TRHDE: variants seen among roughly 807,000 people sequenced by gnomAD.
The protein encoded by TRHDE is thyrotropin releasing hormone degrading enzyme, also known as thyrotropin-releasing hormone-degrading ectoenzyme.
Under a neutral mutation model 125.7 loss-of-function variants are expected in TRHDE, and 72 were observed. That is an observed-to-expected ratio of 0.57 (90% confidence interval 0.47 to 0.70). The LOEUF is 0.70. TRHDE is among the 30% of genes least tolerant of loss of function. The pLI, the probability that TRHDE is intolerant of heterozygous loss-of-function variation, is 0.00. For missense variants in TRHDE, 1,110 were observed against 1,327.1 expected, an observed-to-expected ratio of 0.84 and a Z score of 2.54; for synonymous variants, 509 against 509.1, an observed-to-expected ratio of 1.00 and a Z score of 0.00.
Position 72,635,530 on chromosome 12 carries a change from G to T in TRHDE, c.2675+13779G>T, listed in dbSNP as rs1440831622. Among the ~76,000 whole-genome samples the T allele has an allele frequency of 4.6e-5, 7 of 152,226 alleles. No homozygotes were observed. In the East Asian group the frequency reaches 7.7e-4, roughly 17 times the overall value. ...AATGAGATCCCATTTGTCAATTGTG[G>T]CTTTTGTTGCCATTGCTTTTGGTGT... On this transcript the variant is annotated intron_variant, in intron 15 of 18. Transcript: ENST00000261180.
chr12:72,348,371 G>A (rs1223186705), intron 2 of TRHDE, among the ~76,000 whole-genome samples: 1 of 151,746 alleles, frequency 6.6e-6, no homozygotes, highest in East Asian at 1.9e-4. Context: ...CATCACCCTG[G>A]ACCACTGGTG....
At chr12:72,370,345 T>C (rs967527309) in intron 2 of TRHDE, among the ~76,000 whole-genome samples, 4 of 152,160 alleles carry the variant, frequency 2.6e-5, no homozygotes, top group East Asian at 1.9e-4. Flanking sequence ...GTCTAACTCA[T>C]GTCCTTTTAT....
chr12:72,401,500 A>G (rs757274133), intron 3 of TRHDE, among the ~76,000 whole-genome samples: 10 of 152,234 alleles, frequency 6.6e-5, no homozygotes, highest in Non-Finnish European at 1.2e-4. Flanking sequence ...ACATCAACAG[A>G]GAAGTCTGTG....
intron 12 of TRHDE, among the ~76,000 whole-genome samples, chr12:72,597,754 T>C (rs1184518726): frequency 0.031 from 284 of 9,288 alleles, 16 homozygotes; most frequent in Non-Finnish European, 0.038. Context: ...TATATATATA[T>C]ATATGCATAC....
intron 2 of TRHDE, among the ~76,000 whole-genome samples, chr12:72,377,661 G>A (rs1871951386): frequency 6.6e-6 from 1 of 152,036 alleles, no homozygotes; most frequent in South Asian, 2.1e-4. Context: ...CATAGTCAGG[G>A]TCCCATTATA....
chr12:72,622,361 T>A (rs1328455368), intron 15 of TRHDE, among the ~76,000 whole-genome samples: 1 of 152,100 alleles, frequency 6.6e-6, no homozygotes, highest in Non-Finnish European at 1.5e-5. Context: ...AAAGGAATAC[T>A]AAACATAAAA....
Position 72,152,124 on chromosome 12 carries a change from T to C in TRHDE, n.279+46372T>C, listed in dbSNP as rs1040599212. ...AAAGGTCCTTCACATCCCTTGTAAG[T>C]TGGATTCCTAGGTATTTTATTCTCT... On this transcript the variant is annotated intron_variant and non_coding_transcript_variant, in intron 2 of 4. Coordinates refer to the TRHDE transcript ENST00000548156. 2.0e-5 allele frequency among the ~76,000 whole-genome samples: 3 copies of C among 151,594 alleles called. No homozygotes were observed. In the East Asian group the frequency reaches 5.8e-4, roughly 29 times the overall value.
At chr12:72,180,862 C>T (rs185430550) in intron 2 of TRHDE, among the ~76,000 whole-genome samples, 1 of 152,260 alleles carries the variant, frequency 6.6e-6, no homozygotes, top group East Asian at 1.9e-4. Flanking sequence ...CTTCAATGAC[C>T]CTGACTGTAG....
At chr12:72,419,282 T>C (rs1873854274) in intron 3 of TRHDE, among the ~76,000 whole-genome samples, 1 of 152,114 alleles carries the variant, frequency 6.6e-6, no homozygotes, top group Non-Finnish European at 1.5e-5. Context: ...ATGTAAAAAG[T>C]TGTATACAAA....
intron 2 of TRHDE, among the ~76,000 whole-genome samples, chr12:72,296,317 T>C (rs1386406100): frequency 6.6e-6 from 1 of 152,216 alleles, no homozygotes; most frequent in African/African-American, 2.4e-5. Context: ...ACCAGTATCA[T>C]CACTTTTAAG....
At chr12:72,126,913 G>T (rs1592450562) in intron 2 of TRHDE, among the ~76,000 whole-genome samples, 1 of 152,020 alleles carries the variant, frequency 6.6e-6, no homozygotes, top group Non-Finnish European at 1.5e-5. Flanking sequence ...TAAACAGGCA[G>T]CCTACAGAAT....
chr12:72,227,066 C>T (rs941635281), intron 2 of TRHDE, among the ~76,000 whole-genome samples: 1 of 152,038 alleles, frequency 6.6e-6, no homozygotes, highest in African/African-American at 2.4e-5. Context: ...ATTTCAAAAA[C>T]AATGGAAACA....
intron 2 of TRHDE, among the ~76,000 whole-genome samples, chr12:72,327,339 A>T (rs141516976): frequency 1.3e-5 from 2 of 152,262 alleles, no homozygotes; most frequent in African/African-American, 4.8e-5. Context: ...CAGTGATAGG[A>T]GTATGGTCTA....
At chr12:72,517,559 C>T (rs1466060312) in intron 6 of TRHDE, among the ~76,000 whole-genome samples, 7 of 151,884 alleles carry the variant, frequency 4.6e-5, no homozygotes, top group South Asian at 2.1e-4. Context: ...GTCTTGCTAG[C>T]GGTCTATCAG....
intron 8 of TRHDE, 92 bp downstream of exon 8, chr12:72,562,322 G>T: frequency 1.7e-6 from 1 of 583,950 alleles, no homozygotes; most frequent in Non-Finnish European, 3.0e-6. Context: ...ACACCTGATA[G>T]TTTGTTTTTA....
At chr12:72,498,944 A>G (rs1459908373) in intron 5 of TRHDE, among the ~76,000 whole-genome samples, 1 of 149,844 alleles carries the variant, frequency 6.7e-6, no homozygotes, top group Non-Finnish European at 1.5e-5. Flanking sequence ...TGGTCTCTTG[A>G]AATTTTTTCA....
intron 2 of TRHDE, among the ~76,000 whole-genome samples, chr12:72,376,706 A>C (rs1470882809): frequency 6.6e-6 from 1 of 152,162 alleles, no homozygotes; most frequent in African/African-American, 2.4e-5. Flanking sequence ...CTCTTTAGGC[A>C]GAGATAATAA....
chr12:72,131,779 T>G (rs1246090443), intron 2 of TRHDE, among the ~76,000 whole-genome samples: 1 of 152,190 alleles, frequency 6.6e-6, no homozygotes, highest in Admixed American at 6.5e-5. Flanking sequence ...AAAAATCAAG[T>G]GAACAGGTGA....
rs60296809 is a variant in TRHDE, at chr12:72,361,553, A to AT, written c.1189-16432dup. ...TATATGAGTAGGTGTTTTATAATTT[A>AT]TTTTTTTTTTATTTTATTATTATTA... On this transcript the variant is annotated intron_variant, in intron 2 of 18. Transcript: ENST00000261180. Among the ~76,000 whole-genome samples the AT allele has an allele frequency of 4.0e-4, 60 of 148,956 alleles. 1 individual carries two copies. Among genetic ancestry groups the AT allele is most frequent in the African/African-American group, 1.0e-3 (42 of 40,810 alleles).
Sources: gnomAD v4.1 joint callset for allele counts (sites outside exome capture counted in the v4.1 genomes callset) on GRCh38, gnomAD v4.1.1 for gene constraint, MANE v1.5 for transcripts, NCBI Gene and HGNC (gene_info 2026-07-23, HGNC 2026-07-21) for gene names.